The following ZNRF1 variants were observed in gnomAD, a reference collection of about 807,000 sequenced individuals.
The protein encoded by ZNRF1 is E3 ubiquitin-protein ligase ZNRF1.
In ZNRF1, 3 loss-of-function variants were observed where a neutral mutation model predicts 18.4. That is an observed-to-expected ratio of 0.16 (90% CI 0.07 to 0.42). The LOEUF is 0.42. Among genes scored for constraint, ZNRF1 ranks in the 10% least tolerant of loss-of-function variants. The probability of loss-of-function intolerance (pLI) is 0.99; values close to 1 mark genes in which losing one functional copy is unlikely to be tolerated. For missense variants in ZNRF1, 310 were observed against 329.8 expected, an observed-to-expected ratio of 0.94 and a Z score of 0.47; for synonymous variants, 157 against 144.2, an observed-to-expected ratio of 1.09 and a Z score of -0.64.
At chr16:75,067,034 G>A (rs939461595) in intron 1 of ZNRF1, among the ~76,000 whole-genome samples, 5 of 152,092 alleles carry the variant, frequency 3.3e-5, no homozygotes, top group African/African-American at 1.2e-4. Flanking sequence ...CTGTGGCTGC[G>A]ACCATCTCAA....
chr16:75,109,204 A>G lies in ZNRF1; in HGVS notation c.*1504A>G, dbSNP rs2036352041. The G allele has an allele frequency of 6.5e-6, 1 of 152,726 alleles. No individual in the cohort carries two copies. The highest frequency in any genetic ancestry group is 1.5e-5 in the Non-Finnish European group (1 of 68,480). The allele number at this position is 152,726 out of a possible 1,614,324, so 9.5% of individuals were successfully genotyped here. A position where few individuals can be genotyped will look rare whatever the true frequency, so the allele number is the denominator to read the frequency against. ...AGCTCAGAGCCCTTGAACCAGAACCAACTGCTCAGGCTCACAAAAGTTGGC... is the reference window on the plus strand; with the variant it reads ...AGCTCAGAGCCCTTGAACCAGAACCGACTGCTCAGGCTCACAAAAGTTGGC... On this transcript the variant is annotated 3_prime_UTR_variant, in exon 5 of 5. Transcript: ENST00000335325.
At chr16:75,082,965 T>C (rs2036032248) in intron 1 of ZNRF1, among the ~76,000 whole-genome samples, 2 of 152,242 alleles carry the variant, frequency 1.3e-5, no homozygotes, top group African/African-American at 2.4e-5. Context: ...CACTTCACCA[T>C]GTAACAACTT....
At position 75,011,565 on chromosome 16, in the gene ZNRF1, A is replaced by G. The variant is rs200246141; in HGVS notation, c.424+11470A>G. Among the ~76,000 whole-genome samples, 29 of 152,322 alleles carry G rather than the reference A, an allele frequency of 1.9e-4. No homozygotes were observed. In the East Asian group the frequency reaches 5.0e-3, roughly 26 times the overall value. On this transcript the variant is annotated intron_variant, in intron 1 of 4. Transcript: ENST00000335325. ...CTTTTTTATAGCTCTGCCTGCTGCTATAACAAGTGTTCCTAAATACCCATG... is the reference window on the plus strand; with the variant it reads ...CTTTTTTATAGCTCTGCCTGCTGCTGTAACAAGTGTTCCTAAATACCCATG...
chr16:75,015,090 G>T (rs990444318), intron 1 of ZNRF1, among the ~76,000 whole-genome samples: 47 of 149,818 alleles, frequency 3.1e-4, no homozygotes, highest in African/African-American at 1.1e-3. Flanking sequence ...TCTTCTCTCA[G>T]TTTGTGGCTT....
chr16:75,103,176 C>T (rs1388028080), intron 2 of ZNRF1, among the ~76,000 whole-genome samples: 9 of 152,152 alleles, frequency 5.9e-5, no homozygotes, highest in Non-Finnish European at 8.8e-5. Context: ...TATTCACTGT[C>T]GCCGGCACGC....
Position 74,999,151 on chromosome 16 carries a change from C to A in ZNRF1, c.-521C>A, listed in dbSNP as rs2034798558. ...GACGCGACCGCGGCTTCCCGAGCTGCGCCTGGCCGCCCAGCGCCGCGGCCC... is the reference window on the plus strand; with the variant it reads ...GACGCGACCGCGGCTTCCCGAGCTGAGCCTGGCCGCCCAGCGCCGCGGCCC... On this transcript the variant is annotated 5_prime_UTR_variant, in exon 1 of 5. Coordinates refer to ENST00000335325, the MANE Select transcript of ZNRF1 (RefSeq NM_032268.5). 1 of 146,930 alleles carries A rather than the reference C, an allele frequency of 6.8e-6. No individual in the cohort carries two copies. The highest frequency in any genetic ancestry group is 2.4e-5 in the African/African-American group (1 of 40,904). 9.1% of individuals were successfully genotyped at this position (146,930 alleles called of 1,614,324 possible). A position where few individuals can be genotyped will look rare whatever the true frequency, so the allele number is the denominator to read the frequency against.
intron 4 of ZNRF1, 182 bp downstream of exon 4, chr16:75,106,753 A>C (rs959444833): frequency 1.7e-6 from 1 of 577,220 alleles, no homozygotes; most frequent in African/African-American, 1.9e-5. Context: ...GAAGGACAAG[A>C]GATACAAACC....
At chr16:75,045,778 T>C (rs1330078964) in intron 1 of ZNRF1, among the ~76,000 whole-genome samples, 1 of 150,466 alleles carries the variant, frequency 6.6e-6, no homozygotes, top group Non-Finnish European at 1.5e-5. Context: ...TGCAGTGGCA[T>C]GATCATGGCT....
chr16:75,062,267 C>T (rs762204156), intron 1 of ZNRF1, among the ~76,000 whole-genome samples: 24 of 152,166 alleles, frequency 1.6e-4, no homozygotes, highest in East Asian at 3.9e-4. Flanking sequence ...TGGGAAGCAG[C>T]GTGGAGCACA....
chr16:75,066,477 T>C (rs2035805737), intron 1 of ZNRF1, among the ~76,000 whole-genome samples: 1 of 152,238 alleles, frequency 6.6e-6, no homozygotes, highest in Admixed American at 6.5e-5. Context: ...TTAAATCCTG[T>C]ACCAAAAATC....
chr16:75,097,368 A>G (rs1445698515), intron 2 of ZNRF1, among the ~76,000 whole-genome samples: 2 of 152,044 alleles, frequency 1.3e-5, no homozygotes, highest in Admixed American at 1.3e-4. Context: ...CGGCAGGTTC[A>G]TTTGCCAGCA....
In ZNRF1 at chr16:75,045,871, C is replaced by A. The variant is rs372847026; in HGVS notation, c.424+45776C>A. ...GCTGGCACTACAGGCCACTGTGTCCCGCTGTCATTTAGAATTTAATGTTTG... is the reference window on the plus strand; with the variant it reads ...GCTGGCACTACAGGCCACTGTGTCCAGCTGTCATTTAGAATTTAATGTTTG... On this transcript the variant is annotated intron_variant, in intron 1 of 4. Coordinates refer to ENST00000335325, the MANE Select transcript of ZNRF1 (RefSeq NM_032268.5). 1.2e-4 allele frequency among the ~76,000 whole-genome samples: 18 copies of A among 151,582 alleles called. 2 individuals carry two copies. The South Asian group carries it at 1.3e-3, about 11-fold the overall frequency.
chr16:75,023,850 A>G (rs561924009), intron 1 of ZNRF1, among the ~76,000 whole-genome samples: 1 of 151,352 alleles, frequency 6.6e-6, no homozygotes, highest in African/African-American at 2.4e-5. Flanking sequence ...GGGGCTCAGA[A>G]TCCTTTTCTT....
chr16:75,000,392 G>A (rs1379137765), intron 1 of ZNRF1: 3 of 584,956 alleles, frequency 5.1e-6, no homozygotes, highest in South Asian at 3.1e-5. Context: ...AGAAGAGGTC[G>A]TGTCTGGCTG....
intron 1 of ZNRF1, among the ~76,000 whole-genome samples, chr16:75,072,005 C>G (rs1471663701): frequency 6.6e-6 from 1 of 152,106 alleles, no homozygotes; most frequent in Non-Finnish European, 1.5e-5. Context: ...GTGGCATGAT[C>G]ATGGCTTACT....
chr16:75,001,183 C>T (rs1181258778), intron 1 of ZNRF1, among the ~76,000 whole-genome samples: 1 of 152,058 alleles, frequency 6.6e-6, no homozygotes, highest in Admixed American at 6.6e-5. Flanking sequence ...AAGATTGCTC[C>T]TGCCTTTAGG....
chr16:75,029,706 T>C (rs1423020754), intron 1 of ZNRF1, among the ~76,000 whole-genome samples: 1 of 151,658 alleles, frequency 6.6e-6, no homozygotes, highest in Non-Finnish European at 1.5e-5. Flanking sequence ...GAGGCGGAGG[T>C]TGCAGTGAGC....
intron 1 of ZNRF1, among the ~76,000 whole-genome samples, chr16:75,046,606 CGCTCTGTCG>C (rs1567477217): frequency 6.6e-6 from 1 of 151,348 alleles, no homozygotes; most frequent in Non-Finnish European, 1.5e-5. Flanking sequence ...GACTGAGTCT[CGCTCTGTCG>C]CCCAGGCTGG....
At chr16:75,103,444 A>G (rs1338959466) in intron 2 of ZNRF1, among the ~76,000 whole-genome samples, 1 of 152,172 alleles carries the variant, frequency 6.6e-6, no homozygotes, top group Non-Finnish European at 1.5e-5. Flanking sequence ...TTCCACTTAC[A>G]TGAGGTAGCT....
Sources: gnomAD v4.1 joint callset for allele counts (sites outside exome capture counted in the v4.1 genomes callset) on GRCh38, gnomAD v4.1.1 for gene constraint, MANE v1.5 for transcripts, NCBI Gene and HGNC (gene_info 2026-07-23, HGNC 2026-07-21) for gene names.